MTUS2: variants seen among roughly 807,000 people sequenced by gnomAD.
MTUS2 encodes the protein microtubule associated scaffold protein 2, also known as microtubule-associated tumor suppressor candidate 2.
In MTUS2, 40 loss-of-function variants were observed where a neutral mutation model predicts 114.1. That is an observed-to-expected ratio of 0.35 (90% CI 0.27 to 0.46). The LOEUF is 0.46. Ranked by LOEUF, MTUS2 falls within the 20% of genes least tolerant of loss-of-function variation. MTUS2 has a pLI of 1.00. For synonymous variants in MTUS2, 688 were observed against 672.0 expected (o/e 1.02, Z -0.37); for missense variants, 1,679 against 1,705.4 (o/e 0.98, Z 0.27).
rs138737384 is a variant in MTUS2, at chr13:29,291,097, A to C, written c.2806+9232A>C. 9.9e-3 allele frequency among the ~76,000 whole-genome samples: 1,506 copies of C among 152,222 alleles called. 27 individuals carry two copies. The highest frequency in any genetic ancestry group is 0.035 in the African/African-American group (1,435 of 41,534). ...TATGGCCTCCAGCAGGTACCCGAGA[A>C]CCCAACTGTTCCAAGCCTCTTGTGG... On this transcript the variant is annotated intron_variant, in intron 6 of 15. Coordinates refer to ENST00000612955, the MANE Select transcript of MTUS2 (RefSeq NM_001033602.4).
At chr13:29,021,894 A>G (rs1360623117) in intron 2 of MTUS2, among the ~76,000 whole-genome samples, 1 of 152,148 alleles carries the variant, frequency 6.6e-6, no homozygotes, top group African/African-American at 2.4e-5. Context: ...GTTGAGGGCT[A>G]TATTGGGGTC....
intron 2 of MTUS2, among the ~76,000 whole-genome samples, chr13:28,951,395 C>T (rs899158686): frequency 3.9e-5 from 6 of 152,158 alleles, no homozygotes; most frequent in African/African-American, 1.4e-4. Context: ...TATAGTCTTT[C>T]ACCACTGAGT....
At chr13:29,447,912 A>AC (rs1728525066) in intron 9 of MTUS2, among the ~76,000 whole-genome samples, 1 of 152,188 alleles carries the variant, frequency 6.6e-6, no homozygotes, top group Non-Finnish European at 1.5e-5. Context: ...CTGATGGAAC[A>AC]CCACACTCCA....
chr13:29,190,492 C>T (rs528395863), intron 5 of MTUS2, among the ~76,000 whole-genome samples: 1 of 152,274 alleles, frequency 6.6e-6, no homozygotes, highest in Non-Finnish European at 1.5e-5. Context: ...TCTGCTAAGC[C>T]CCATGCTATG....
At chr13:29,209,308 T>C (rs932857206) in intron 5 of MTUS2, among the ~76,000 whole-genome samples, 1 of 152,170 alleles carries the variant, frequency 6.6e-6, no homozygotes, top group Non-Finnish European at 1.5e-5. Flanking sequence ...TAAGTTGATT[T>C]GAGTTCTTAT....
intron 6 of MTUS2, among the ~76,000 whole-genome samples, chr13:29,318,827 C>A (rs1365424748): frequency 6.6e-6 from 1 of 152,180 alleles, no homozygotes; most frequent in Non-Finnish European, 1.5e-5. Flanking sequence ...GCACCCACCC[C>A]TGTAGGCTTT....
At chr13:29,462,746 G>T (rs970755538) in intron 9 of MTUS2, among the ~76,000 whole-genome samples, 1 of 152,060 alleles carries the variant, frequency 6.6e-6, no homozygotes, top group African/African-American at 2.4e-5. Flanking sequence ...GTGTGGTCTT[G>T]TTCTGCTTGA....
At chr13:29,455,293 G>T (rs908923453) in intron 9 of MTUS2, among the ~76,000 whole-genome samples, 1 of 152,142 alleles carries the variant, frequency 6.6e-6, no homozygotes, top group African/African-American at 2.4e-5. Flanking sequence ...GGGCCTGCAG[G>T]GGGCAGCTGA....
chr13:29,049,147 T>C (rs186009996), intron 4 of MTUS2, among the ~76,000 whole-genome samples: 8 of 152,366 alleles, frequency 5.3e-5, no homozygotes, highest in Admixed American at 5.2e-4. Context: ...TGGCAGATTT[T>C]GCAACTCTTT....
chr13:29,426,017 C>T (rs1322229392), intron 8 of MTUS2, among the ~76,000 whole-genome samples: 5 of 152,166 alleles, frequency 3.3e-5, no homozygotes, highest in African/African-American at 4.8e-5. Context: ...TGCAGGAAGA[C>T]GACTGAGCTG....
chr13:29,035,802 A>G (rs1476471144), intron 4 of MTUS2, among the ~76,000 whole-genome samples: 1 of 152,152 alleles, frequency 6.6e-6, no homozygotes, highest in Non-Finnish European at 1.5e-5. Flanking sequence ...GGAAATGAAG[A>G]GAAATACCTG....
Position 29,189,366 on chromosome 13 carries a change from A to G in MTUS2, c.2644+88396A>G, listed in dbSNP as rs146140058. The stretch of plus-strand genomic sequence containing the variant: ...AGAAGAGGCAGTTATAATGTTTAAT[A>G]TTTATCTTACATCATGGAGTGATAT... On this transcript the variant is annotated intron_variant, in intron 5 of 15. Transcript: ENST00000612955. Among the ~76,000 whole-genome samples, 191 of 152,302 alleles carry G rather than the reference A, an allele frequency of 1.3e-3. 4 individuals carry two copies. In the East Asian group the frequency reaches 0.035, roughly 28 times the overall value.
At position 28,829,075 on chromosome 13, in the gene MTUS2, A is replaced by G. The variant is rs76994857; in HGVS notation, c.-316+8464A>G. Among the ~76,000 whole-genome samples the G allele has an allele frequency of 3.5e-4, 53 of 152,358 alleles. 3 individuals carry two copies. The East Asian group carries it at 0.01, about 29-fold the overall frequency. On this transcript the variant is annotated intron_variant, in intron 1 of 15. Transcript: ENST00000612955. ...ACTGGCAAAAATATCAAAATAAACC[A>G]TTTTAGAATGGTGGAAATTAACGAA... is the stretch of plus-strand genomic sequence containing the variant.
intron 8 of MTUS2, among the ~76,000 whole-genome samples, chr13:29,389,263 GTGTATATA>G (rs1333667545): frequency 4.7e-5 from 7 of 149,898 alleles, no homozygotes; most frequent in Admixed American, 3.3e-4. Context: ...ATACACATGT[GTGTATATA>G]TGTATATATG....
At chr13:29,491,850 GCATGTGCCA>G (rs1882135146) in intron 11 of MTUS2, among the ~76,000 whole-genome samples, 1 of 141,726 alleles carries the variant, frequency 7.1e-6, no homozygotes, top group African/African-American at 2.6e-5. Context: ...TGTGTGTGTG[GCATGTGCCA>G]TGTATGTGAT....
At chr13:29,347,668 C>G (rs1487930233) in intron 7 of MTUS2, among the ~76,000 whole-genome samples, 39 of 152,202 alleles carry the variant, frequency 2.6e-4, no homozygotes, top group African/African-American at 7.0e-4. Context: ...CACTAATTAC[C>G]CAGAGTTAGC....
chr13:29,471,085 G>GTGATCATA (rs1880251846), intron 9 of MTUS2, among the ~76,000 whole-genome samples: 1 of 152,148 alleles, frequency 6.6e-6, no homozygotes, highest in African/African-American at 2.4e-5. Flanking sequence ...GCTCACACCT[G>GTGATCATA]TGATCATAAC....
intron 6 of MTUS2, among the ~76,000 whole-genome samples, chr13:29,303,689 A>G (rs796636852): frequency 1.1e-4 from 17 of 152,332 alleles, no homozygotes; most frequent in African/African-American, 4.1e-4. Context: ...GATGGGGAGA[A>G]TGGAACCAAG....
intron 5 of MTUS2, among the ~76,000 whole-genome samples, chr13:29,162,811 T>A (rs942076561): frequency 1.3e-5 from 2 of 152,244 alleles, no homozygotes; most frequent in Non-Finnish European, 2.9e-5. Flanking sequence ...GCTGAGTCAC[T>A]GCAGCCAGAT....
Sources: gnomAD v4.1 joint callset for allele counts (sites outside exome capture counted in the v4.1 genomes callset) on GRCh38, gnomAD v4.1.1 for gene constraint, MANE v1.5 for transcripts, NCBI Gene and HGNC (gene_info 2026-07-23, HGNC 2026-07-21) for gene names.